The following SGCD variants were observed in gnomAD, a reference collection of about 807,000 sequenced individuals.
The protein encoded by SGCD is delta-sarcoglycan.
A neutral mutation model predicts 36.6 loss-of-function variants in SGCD; 18 were observed. That is an observed-to-expected ratio of 0.49 (90% CI 0.34 to 0.73). The LOEUF (loss-of-function observed/expected upper bound fraction) is 0.73, where lower values mean the gene tolerates loss of function less well. Ranked by LOEUF, SGCD falls within the 30% of genes least tolerant of loss-of-function variation. The pLI is 0.01. For synonymous variants in SGCD, 133 were observed against 130.6 expected, an observed-to-expected ratio of 1.02 and a Z score of -0.12; for missense variants, 387 against 346.7, an observed-to-expected ratio of 1.12 and a Z score of -0.92.
chr5:156,590,703 C>G (rs1760691724), intron 5 of SGCD, among the ~76,000 whole-genome samples: 1 of 151,996 alleles, frequency 6.6e-6, no homozygotes, highest in Non-Finnish European at 1.5e-5. Context: ...TGGAACTGCC[C>G]AAATGACTAT....
chr5:156,541,948 T>C (rs552034552), intron 4 of SGCD, among the ~76,000 whole-genome samples: 1 of 152,316 alleles, frequency 6.6e-6, no homozygotes, highest in African/African-American at 2.4e-5. Flanking sequence ...CAACTTGGCA[T>C]TTTATTCCTT....
At chr5:155,805,177 T>C in the SGCD span, among the ~76,000 whole-genome samples, 1 of 152,336 alleles carries the variant, frequency 6.6e-6, no homozygotes, top group Middle Eastern at 3.4e-3. Flanking sequence ...GTGTCTGCAA[T>C]GGGCTAATCA....
intron 3 of SGCD, among the ~76,000 whole-genome samples, chr5:156,450,249 C>T (rs950774020): frequency 6.6e-6 from 1 of 151,952 alleles, no homozygotes; most frequent in South Asian, 2.1e-4. Flanking sequence ...GTTATCATTG[C>T]CCAAAACAGC....
intron 1 of SGCD, among the ~76,000 whole-genome samples, chr5:155,988,597 T>C (rs10866706): frequency 0.33 from 50,734 of 151,862 alleles, 8,663 homozygotes; most frequent in African/African-American, 0.4. Context: ...GTCTCCGTCA[T>C]ACTTTATACT....
chr5:156,696,696 G>T (rs994489720), intron 7 of SGCD, among the ~76,000 whole-genome samples: 9 of 152,036 alleles, frequency 5.9e-5, no homozygotes, highest in African/African-American at 2.2e-4. Flanking sequence ...TTTCAGTAGA[G>T]ATGGGGTTTT....
intron 3 of SGCD, among the ~76,000 whole-genome samples, chr5:156,300,701 A>C (rs1419362739): frequency 6.6e-6 from 1 of 152,048 alleles, no homozygotes; most frequent in South Asian, 2.1e-4. Context: ...TCCAATGCTG[A>C]AACTGTGGTG....
chr5:156,611,445 G>T (rs1351993646), intron 6 of SGCD, among the ~76,000 whole-genome samples: 2 of 152,044 alleles, frequency 1.3e-5, no homozygotes, highest in South Asian at 2.1e-4. Context: ...ATTCTACCCT[G>T]CCCTGCAAGG....
At chr5:156,713,875 T>G (rs1287516208) in intron 7 of SGCD, among the ~76,000 whole-genome samples, 1 of 152,230 alleles carries the variant, frequency 6.6e-6, no homozygotes, top group Admixed American at 6.5e-5. Flanking sequence ...TTGAGCTGCT[T>G]AATCCTAATC....
chr5:156,177,059 T>A lies in SGCD; in HGVS notation c.-44+53040T>A, dbSNP rs900830618. On this transcript the variant is annotated intron_variant, in intron 3 of 9. Coordinates refer to the SGCD transcript ENST00000517913. ...CTCTGTTGCCCAGGCTGGAGTGAGG[T>A]GACGTGATCTCGGCTCACTGCAACC... Among the ~76,000 whole-genome samples the A allele has an allele frequency of 1.6e-4, 25 of 152,300 alleles. 1 individual carries two copies. The highest frequency in any genetic ancestry group is 5.3e-4 in the African/African-American group (22 of 41,570).
intron 1 of SGCD, among the ~76,000 whole-genome samples, chr5:156,028,577 G>A (rs918602848): frequency 2.6e-5 from 4 of 152,086 alleles, no homozygotes; most frequent in African/African-American, 9.7e-5. Flanking sequence ...ATGGTATATA[G>A]GAATTGGTCA....
At chr5:156,420,172 C>G (rs1773235744) in intron 3 of SGCD, among the ~76,000 whole-genome samples, 1 of 152,166 alleles carries the variant, frequency 6.6e-6, no homozygotes, top group Non-Finnish European at 1.5e-5. Context: ...ACACCTGAGT[C>G]TTCCCTCTGT....
At chr5:156,634,242 A>G (rs1029712739) in intron 6 of SGCD, among the ~76,000 whole-genome samples, 4 of 140,098 alleles carry the variant, frequency 2.9e-5, no homozygotes, top group African/African-American at 1.0e-4. Flanking sequence ...TAAAACTCCA[A>G]TGCGTCACTG....
intron 4 of SGCD, among the ~76,000 whole-genome samples, chr5:156,567,848 T>C (rs572561278): frequency 6.6e-6 from 1 of 152,304 alleles, no homozygotes; most frequent in Non-Finnish European, 1.5e-5. Flanking sequence ...CCGTGATGGA[T>C]GCGGGATGAT....
At chr5:156,520,970 T>C (rs1757376404) in intron 4 of SGCD, among the ~76,000 whole-genome samples, 1 of 142,272 alleles carries the variant, frequency 7.0e-6, no homozygotes, top group Non-Finnish European at 1.5e-5. Context: ...TGAGTCGAGA[T>C]TGTGCCACTG....
chr5:156,180,165 A>T (rs754782326), intron 3 of SGCD, among the ~76,000 whole-genome samples: 14 of 152,226 alleles, frequency 9.2e-5, no homozygotes, highest in South Asian at 2.1e-4. Context: ...AGTATTTTCT[A>T]TTAATTGTTA....
In SGCD at chr5:156,762,988, G is replaced by C. The variant is rs1757524867; in HGVS notation, c.*3598G>C. The C allele has an allele frequency of 6.6e-6, 1 of 152,416 alleles. No individual in the cohort carries two copies. Among genetic ancestry groups the C allele is most frequent in the African/African-American group, 2.4e-5 (1 of 41,440 alleles). The allele number at this position is 152,416 out of a possible 1,614,324, so 9.4% of individuals were successfully genotyped here. On this transcript the variant is annotated 3_prime_UTR_variant, in exon 9 of 9. Coordinates refer to ENST00000337851, the MANE Select transcript of SGCD (RefSeq NM_000337.6). ...TACATGTGGAAAGCCTGCCTTCCAA[G>C]ACATGTGGAAGTAATTGATCCACCT...
intron 4 of SGCD, among the ~76,000 whole-genome samples, chr5:156,525,531 T>C (rs1757610118): frequency 6.6e-6 from 1 of 151,838 alleles, no homozygotes; most frequent in South Asian, 2.1e-4. Context: ...GATTTCCTTT[T>C]CATTTTGTTG....
intron 4 of SGCD, among the ~76,000 whole-genome samples, chr5:156,554,410 TATG>T (rs1488937412): frequency 6.6e-6 from 1 of 151,664 alleles, no homozygotes. Context: ...TAATTTTTAT[TATG>T]ATATATTTTT....
At chr5:156,076,683 A>G (rs1210946855) in intron 1 of SGCD, among the ~76,000 whole-genome samples, 1 of 152,206 alleles carries the variant, frequency 6.6e-6, no homozygotes, top group Non-Finnish European at 1.5e-5. Flanking sequence ...TCTTCCCACC[A>G]TCAGGTATTT....
Sources: gnomAD v4.1 joint callset for allele counts (sites outside exome capture counted in the v4.1 genomes callset) on GRCh38, gnomAD v4.1.1 for gene constraint, MANE v1.5 for transcripts, NCBI Gene and HGNC (gene_info 2026-07-23, HGNC 2026-07-21) for gene names.